Variants in PCDH15 observed in about 807,000 individuals in gnomAD.
The protein encoded by PCDH15 is protocadherin-15.
PCDH15 carries 129 observed loss-of-function variants against 178.5 expected under a neutral mutation model. The observed-to-expected ratio is 0.72, with a 90% CI of 0.63 to 0.84. The LOEUF (loss-of-function observed/expected upper bound fraction) is 0.84, where lower values mean the gene tolerates loss of function less well. PCDH15 is among the 40% of genes least tolerant of loss of function. PCDH15 has a pLI of 0.00. For missense variants in PCDH15, 2,230 were observed against 2,099.9 expected (o/e 1.06, Z -1.21); for synonymous variants, 800 against 732.0 (o/e 1.09, Z -1.50).
chr10:54,389,374 T>C (rs186904827), intron 3 of PCDH15, among the ~76,000 whole-genome samples: 69 of 152,314 alleles, frequency 4.5e-4, no homozygotes, highest in African/African-American at 1.6e-3. Flanking sequence ...TCAATTTTAA[T>C]GTGCCCATGA....
At chr10:54,779,431 T>TAA in intron 1 of PCDH15, among the ~76,000 whole-genome samples, 1 of 132,356 alleles carries the variant, frequency 7.6e-6, no homozygotes, top group Non-Finnish European at 1.6e-5. Flanking sequence ...TACACACACA[T>TAA]ATGTGTATAT....
intron 26 of PCDH15, among the ~76,000 whole-genome samples, chr10:53,888,087 T>C (rs555091913): frequency 6.6e-6 from 1 of 151,474 alleles, no homozygotes; most frequent in South Asian, 2.1e-4. Context: ...ATATATAGTT[T>C]AAAAAATGCT....
intron 1 of PCDH15, among the ~76,000 whole-genome samples, chr10:55,303,290 T>G (rs1368356622): frequency 6.6e-6 from 1 of 152,174 alleles, no homozygotes; most frequent in Non-Finnish European, 1.5e-5. Flanking sequence ...AAGCTAAAAT[T>G]TCATTACTGA....
At chr10:55,160,169 G>C (rs898603369) in intron 2 of PCDH15, among the ~76,000 whole-genome samples, 10 of 151,946 alleles carry the variant, frequency 6.6e-5, no homozygotes, top group Non-Finnish European at 2.9e-5. Flanking sequence ...AGAAAGTTTG[G>C]CTTTCTCACA....
At chr10:55,033,948 C>A (rs1840674199) in intron 2 of PCDH15, among the ~76,000 whole-genome samples, 1 of 152,026 alleles carries the variant, frequency 6.6e-6, no homozygotes, top group Non-Finnish European at 1.5e-5. Flanking sequence ...AGGGAGTTTG[C>A]CCCTTTTGTC....
intron 2 of PCDH15, among the ~76,000 whole-genome samples, chr10:55,387,207 G>A (rs932997586): frequency 6.6e-6 from 1 of 152,022 alleles, no homozygotes; most frequent in African/African-American, 2.4e-5. Flanking sequence ...TTTCATGGCT[G>A]AATTTAATGC....
intron 2 of PCDH15, among the ~76,000 whole-genome samples, chr10:55,539,788 C>T (rs1355017252): frequency 2.0e-5 from 3 of 152,010 alleles, no homozygotes; most frequent in Non-Finnish European, 4.4e-5. Context: ...CAAATGATAA[C>T]ATCAATAACT....
intron 2 of PCDH15, among the ~76,000 whole-genome samples, chr10:55,378,080 G>T (rs1837442820): frequency 6.6e-6 from 1 of 152,080 alleles, no homozygotes; most frequent in Admixed American, 6.6e-5. Flanking sequence ...TACGGGGAGG[G>T]ATAGCATTAG....
At position 54,469,345 on chromosome 10, in the gene PCDH15, C is replaced by G. The variant is rs142844472; in HGVS notation, c.157+58467G>C. On this transcript the variant is annotated intron_variant, in intron 3 of 37. Transcript: ENST00000644397. ...CTCCTGACCTCAAGTAATCTGCCCG[C>G]CTCAGCCTCCCAAAGTGCAGGGATT... is the stretch of plus-strand genomic sequence containing the variant. Among the ~76,000 whole-genome samples the G allele has an allele frequency of 8.7e-3, 1,319 of 152,298 alleles. 19 individuals carry two copies. Among genetic ancestry groups the G allele is most frequent in the African/African-American group, 0.028 (1,182 of 41,556 alleles).
At chr10:55,224,487 G>A (rs767747444) in intron 1 of PCDH15, among the ~76,000 whole-genome samples, 3 of 151,972 alleles carry the variant, frequency 2.0e-5, no homozygotes, top group African/African-American at 4.8e-5. Context: ...AAATCCAGGC[G>A]ACCCTGCTCC....
At chr10:54,555,269 A>C (rs2087059399) in intron 2 of PCDH15, among the ~76,000 whole-genome samples, 2 of 152,150 alleles carry the variant, frequency 1.3e-5, no homozygotes, top group African/African-American at 4.8e-5. Context: ...ATTTGCAAAA[A>C]TCTACAGATT....
At chr10:54,380,643 GTA>G (rs59953769) in intron 3 of PCDH15, among the ~76,000 whole-genome samples, 159 of 15,294 alleles carry the variant, frequency 0.01, 13 homozygotes, top group Middle Eastern at 0.083. Flanking sequence ...GTGTATGCAT[GTA>G]TATATATATA....
At chr10:55,203,059 T>C (rs192242066) in intron 1 of PCDH15, among the ~76,000 whole-genome samples, 11 of 152,218 alleles carry the variant, frequency 7.2e-5, no homozygotes, top group Admixed American at 3.3e-4. Flanking sequence ...GTTTTACAGA[T>C]AAAAATCAGT....
chr10:53,972,584 G>A (rs4623798), intron 21 of PCDH15, among the ~76,000 whole-genome samples: 109,860 of 152,032 alleles, frequency 0.72, 39,977 homozygotes, highest in East Asian at 0.87. Context: ...AACTTAAACA[G>A]ATTTACAAGA....
chr10:54,275,032 A>T (rs2058272905), intron 8 of PCDH15, among the ~76,000 whole-genome samples: 1 of 151,954 alleles, frequency 6.6e-6, no homozygotes, highest in South Asian at 2.1e-4. Flanking sequence ...TGTGGATCAT[A>T]AAGAAAATAT....
At chr10:54,671,761 C>T (rs528693066) in intron 1 of PCDH15, among the ~76,000 whole-genome samples, 8 of 152,110 alleles carry the variant, frequency 5.3e-5, no homozygotes, top group South Asian at 4.2e-4. Flanking sequence ...CATAATAGTC[C>T]ATATAGAGTT....
chr10:54,393,485 T>C (rs1199369904), intron 3 of PCDH15, among the ~76,000 whole-genome samples: 2 of 152,140 alleles, frequency 1.3e-5, no homozygotes, highest in Admixed American at 1.3e-4. Flanking sequence ...CTAAATGGAA[T>C]ATAGAACACA....
intron 2 of PCDH15, among the ~76,000 whole-genome samples, chr10:55,520,130 C>T (rs530561732): frequency 3.5e-4 from 43 of 123,118 alleles, no homozygotes; most frequent in Admixed American, 5.9e-4. Context: ...TATATATACA[C>T]GCAATGTGTA....
intron 2 of PCDH15, among the ~76,000 whole-genome samples, chr10:55,100,667 C>G (rs1842556092): frequency 6.6e-6 from 1 of 152,002 alleles, no homozygotes; most frequent in Non-Finnish European, 1.5e-5. Flanking sequence ...AGCTCTCATG[C>G]GAACTAATAA....
Sources: gnomAD v4.1 joint callset for allele counts (sites outside exome capture counted in the v4.1 genomes callset) on GRCh38, gnomAD v4.1.1 for gene constraint, MANE v1.5 for transcripts, NCBI Gene and HGNC (gene_info 2026-07-23, HGNC 2026-07-21) for gene names.